DNAH3: variants seen among roughly 807,000 people sequenced by gnomAD.
DNAH3 encodes axonemal beta dynein heavy chain 3.
In DNAH3, 332 loss-of-function variants were observed where a neutral mutation model predicts 432.5. The ratio of observed to expected loss-of-function variants is 0.77; its 90% CI spans 0.70 to 0.84. DNAH3 has a LOEUF of 0.84. DNAH3 is among the 40% of genes least tolerant of loss of function. DNAH3 has a pLI of 0.00. For missense variants in DNAH3, 4,861 were observed against 5,114.0 expected (o/e 0.95, Z 1.51); for synonymous variants, 1,956 against 1,900.2 (o/e 1.03, Z -0.76).
chr16:20,992,886 G>T (rs925900091), intron 44 of DNAH3, among the ~76,000 whole-genome samples: 2 of 152,096 alleles, frequency 1.3e-5, no homozygotes, highest in Non-Finnish European at 2.9e-5. Flanking sequence ...CATTCGTTGA[G>T]ACAGAGTCTC....
In DNAH3 at chr16:20,986,384, T is replaced by C. The variant is rs147080667; in HGVS notation, c.7027-669A>G. 9.9e-4 allele frequency among the ~76,000 whole-genome samples: 151 copies of C among 152,034 alleles called. No individual in the cohort carries two copies. In the East Asian group the frequency reaches 0.026, roughly 26 times the overall value. On this transcript the variant is annotated intron_variant, in intron 47 of 61. Coordinates refer to ENST00000261383, the Ensembl canonical transcript of DNAH3. ...TTAACTGGGCATCGTGGTGCACACC[T>C]GTAATCCCAGCTACTCAGGAGGCCG...
exon 27 of DNAH3, chr16:21,058,148 A>G (rs2090201230): frequency 3.7e-6 from 6 of 1,613,932 alleles, no homozygotes; most frequent in Non-Finnish European, 5.1e-6. Flanking sequence ...GAGGAGACAC[A>G]GATAACCACC....
chr16:20,948,511 T>TA lies in DNAH3; in HGVS notation c.11314dup (p.Tyr3772LeufsTer32), dbSNP rs1340399190. On this transcript the variant is annotated frameshift_variant, in exon 57 of 62. Transcript: ENST00000261383. LOFTEE classifies it high-confidence loss of function. ...GTAGGAGCCATGAGGAGGGATGTAG[T>TA]AAGTGTCTCCAGGAGCGAGGGAGTA... 3.7e-6 allele frequency: 6 copies of TA among 1,613,706 alleles called. No individual in the cohort carries two copies. The East Asian group carries it at 1.1e-4, about 30-fold the overall frequency.
chr16:21,036,008 C>A (rs936680273), intron 35 of DNAH3, among the ~76,000 whole-genome samples: 2 of 152,128 alleles, frequency 1.3e-5, no homozygotes, highest in African/African-American at 4.8e-5. Context: ...AAAATGACTC[C>A]ATTTTACAGA....
At chr16:21,142,852 T>C (rs981841991) in intron 3 of DNAH3, among the ~76,000 whole-genome samples, 22 of 152,008 alleles carry the variant, frequency 1.4e-4, no homozygotes, top group Non-Finnish European at 3.2e-4. Flanking sequence ...CGGGGTTTTG[T>C]CATGTTACCC....
rs765210056 is a variant in DNAH3, at chr16:20,964,286, C to T, written c.9598G>A (p.Gly3200Ser). 1 of 1,614,074 alleles carries T rather than the reference C, an allele frequency of 6.2e-7. No homozygotes were observed. Among genetic ancestry groups the T allele is most frequent in the African/African-American group, 1.3e-5 (1 of 74,996 alleles). ...ATGCCAAGGAGTTGATCTTGGAGACCCAAGGGGGTGATCATGAAGTTGAGG... is the reference window on the plus strand; with the variant it reads ...ATGCCAAGGAGTTGATCTTGGAGACTCAAGGGGGTGATCATGAAGTTGAGG... The change falls in exon 53 of 62, where the codon GGT becomes AGT. Residue 3200 changes from glycine to serine, a missense_variant. By Grantham distance (56) the Gly-to-Ser change is moderately conservative (BLOSUM62 0). Coordinates refer to ENST00000261383, the Ensembl canonical transcript of DNAH3.
At chr16:21,069,461 T>A in exon 23 of DNAH3, 1 of 1,614,128 alleles carries the variant, frequency 6.2e-7, no homozygotes. Flanking sequence ...AATGCCAAAT[T>A]TCCTCCCCTC....
chr16:21,018,077 G>A (rs1480546692), intron 41 of DNAH3, among the ~76,000 whole-genome samples: 1 of 151,824 alleles, frequency 6.6e-6, no homozygotes, highest in Non-Finnish European at 1.5e-5. Flanking sequence ...TTATTACCTA[G>A]TGTTCAGTAT....
At chr16:21,020,702 C>G (rs574103427) in intron 40 of DNAH3, among the ~76,000 whole-genome samples, 83 of 151,928 alleles carry the variant, frequency 5.5e-4, no homozygotes, top group African/African-American at 1.8e-3. Flanking sequence ...CCGCACCCGG[C>G]CTTTACTGCA....
intron 17 of DNAH3, 145 bp downstream of exon 17, chr16:21,098,471 G>C: frequency 2.0e-6 from 1 of 503,624 alleles, no homozygotes; most frequent in Non-Finnish European, 3.2e-6. Flanking sequence ...AAAGAAAAAA[G>C]AAAGTACCAA....
chr16:20,988,154 G>C (rs2086302129), intron 44 of DNAH3, 89 bp from the exon 45 acceptor site: 1 of 1,538,338 alleles, frequency 6.5e-7, no homozygotes. Context: ...AGGTGGCTTT[G>C]CCTTCTGCCT....
exon 15 of DNAH3, chr16:21,106,669 C>G: frequency 6.7e-7 from 1 of 1,493,052 alleles, no homozygotes; most frequent in Non-Finnish European, 9.1e-7. Flanking sequence ...GTACTGATTA[C>G]AAATGCTACA....
chr16:21,086,079 G>A (rs923892595), intron 19 of DNAH3, among the ~76,000 whole-genome samples: 1 of 152,072 alleles, frequency 6.6e-6, no homozygotes, highest in Admixed American at 6.5e-5. Context: ...TCTGAGAGGG[G>A]GAATTACAGG....
intron 51 of DNAH3, 97 bp from the exon 52 acceptor site, chr16:20,970,087 G>GA: frequency 6.0e-6 from 7 of 1,164,694 alleles, no homozygotes; most frequent in Non-Finnish European, 8.9e-6. Context: ...GAAGGAAGAG[G>GA]TGCTTCCTCT....
intron 15 of DNAH3, among the ~76,000 whole-genome samples, chr16:21,105,201 C>T (rs2091919311): frequency 6.6e-6 from 1 of 152,120 alleles, no homozygotes; most frequent in African/African-American, 2.4e-5. Context: ...GTTAGGGAAC[C>T]ACTTTTCACT....
chr16:20,971,675 T>G (rs1203778949), intron 51 of DNAH3, among the ~76,000 whole-genome samples: 3 of 152,150 alleles, frequency 2.0e-5, no homozygotes, highest in African/African-American at 4.8e-5. Context: ...GTCACCGCCT[T>G]ACAAACCTTG....
At position 20,948,643 on chromosome 16, in the gene DNAH3, G is replaced by T. The variant is rs1156690378; in HGVS notation, c.11189-6C>A. 1.9e-6 allele frequency: 3 copies of T among 1,614,010 alleles called. No individual in the cohort carries two copies. The highest frequency in any genetic ancestry group is 1.7e-4 in the Middle Eastern group (1 of 6,044). ...GCCTCCGTAATTACATTCCCCTGGG[G>T]ACAACCAACAGAAGGAGAGGTTGAG... On this transcript the variant is annotated splice_polypyrimidine_tract_variant and splice_region_variant and intron_variant, in intron 56 of 61. Transcript: ENST00000261383.
At chr16:21,003,886 C>T (rs1388333941) in intron 41 of DNAH3, among the ~76,000 whole-genome samples, 3 of 152,102 alleles carry the variant, frequency 2.0e-5, no homozygotes, top group Non-Finnish European at 1.5e-5. Context: ...CCTTCTAGCC[C>T]TCTTTCTAGA....
chr16:21,158,754 C>T (rs2092920200), intron 1 of DNAH3: 1 of 154,002 alleles, frequency 6.5e-6, no homozygotes, highest in African/African-American at 2.4e-5. Context: ...CAGGTGAGAG[C>T]TCGGAGCTTG....
Sources: gnomAD v4.1 joint callset for allele counts (sites outside exome capture counted in the v4.1 genomes callset) on GRCh38, gnomAD v4.1.1 for gene constraint, MANE v1.5 for transcripts, NCBI Gene and HGNC (gene_info 2026-07-23, HGNC 2026-07-21) for gene names.